Variants in ABCC9 observed in about 807,000 individuals in gnomAD.
ABCC9 encodes ATP binding cassette subfamily C member 9, also known as ATP-binding cassette sub-family C member 9.
In ABCC9, 95 loss-of-function variants were observed where a neutral mutation model predicts 188.3. That is an observed-to-expected ratio of 0.50 (90% confidence interval 0.43 to 0.60). ABCC9 has a LOEUF of 0.60. ABCC9 is among the 20% of genes least tolerant of loss of function. The probability of loss-of-function intolerance (pLI) is 0.00; values close to 1 mark genes in which losing one functional copy is unlikely to be tolerated. For synonymous variants in ABCC9, 659 were observed against 652.7 expected, an observed-to-expected ratio of 1.01 and a Z score of -0.15; for missense variants, 1,102 against 1,876.3, an observed-to-expected ratio of 0.59 and a Z score of 7.62.
At chr12:21,912,823 A>G (rs767444463) in intron 8 of ABCC9, 49 bp downstream of exon 8, 17 of 1,585,602 alleles carry the variant, frequency 1.1e-5, no homozygotes, top group Admixed American at 3.3e-5. Flanking sequence ...GACAATTACA[A>G]TGAAATCCAT....
intron 30 of ABCC9, among the ~76,000 whole-genome samples, chr12:21,829,436 T>C (rs185604098): frequency 0.013 from 2,022 of 152,130 alleles, 31 homozygotes; most frequent in South Asian, 0.087. Context: ...CTCCTGACCT[T>C]GTGATCCGCC....
chr12:21,868,500 A>G (rs896391724), intron 18 of ABCC9, among the ~76,000 whole-genome samples: 1 of 152,152 alleles, frequency 6.6e-6, no homozygotes. Context: ...TTAGCCAGGC[A>G]TGGTGGCAGG....
chr12:21,808,796 A>AG (rs1279565501), intron 37 of ABCC9, among the ~76,000 whole-genome samples: 4 of 151,516 alleles, frequency 2.6e-5, no homozygotes, highest in South Asian at 2.1e-4. Context: ...AAAAAAAAAA[A>AG]AAAGAAAAAA....
At chr12:21,815,510 AAT>A (rs1942549215) in intron 34 of ABCC9, among the ~76,000 whole-genome samples, 1 of 152,136 alleles carries the variant, frequency 6.6e-6, no homozygotes, top group South Asian at 2.1e-4. Flanking sequence ...AGAAGACAGA[AAT>A]TTTTAAAAAC....
intron 35 of ABCC9, among the ~76,000 whole-genome samples, chr12:21,813,618 G>A (rs1414035321): frequency 6.6e-6 from 1 of 152,100 alleles, no homozygotes; most frequent in Non-Finnish European, 1.5e-5. Context: ...AATGTCAGTT[G>A]ATTTTTGATC....
At chr12:21,939,712 G>A (rs991471594) in intron 2 of ABCC9, among the ~76,000 whole-genome samples, 4 of 152,298 alleles carry the variant, frequency 2.6e-5, no homozygotes, top group African/African-American at 7.2e-5. Context: ...ATAAGCCATC[G>A]AAATATGCTC....
At chr12:21,888,906 G>A (rs1431335341) in intron 14 of ABCC9, among the ~76,000 whole-genome samples, 1 of 22,128 alleles carries the variant, frequency 4.5e-5, no homozygotes, top group Non-Finnish European at 8.7e-5. Context: ...CTAGGATGCA[G>A]CAAGTGGGAA....
chr12:21,893,104 G>A (rs183883456), intron 14 of ABCC9, among the ~76,000 whole-genome samples: 480 of 152,188 alleles, frequency 3.2e-3, no homozygotes, highest in African/African-American at 0.011. Flanking sequence ...TTATTTATGG[G>A]AGCATAAGAC....
At chr12:21,924,536 A>G (rs1336518028) in intron 5 of ABCC9, 1 of 152,078 alleles carries the variant, frequency 6.6e-6, no homozygotes, top group Non-Finnish European at 1.5e-5. Flanking sequence ...AATAACAAGA[A>G]ATATTATATT....
chr12:21,940,108 T>C (rs1949634837), intron 2 of ABCC9, among the ~76,000 whole-genome samples: 1 of 152,196 alleles, frequency 6.6e-6, no homozygotes, highest in Non-Finnish European at 1.5e-5. Context: ...CCTTTGGAAA[T>C]AGACTACAAG....
Position 21,797,395 on chromosome 12 carries a change from C to T in ABCC9, c.*3649G>A, listed in dbSNP as rs1030696155. 1 of 152,028 alleles carries T rather than the reference C, an allele frequency of 6.6e-6. No homozygotes were observed. Among genetic ancestry groups the T allele is most frequent in the Non-Finnish European group, 1.5e-5 (1 of 67,996 alleles). 9.4% of individuals were successfully genotyped at this position (152,028 alleles called of 1,614,324 possible). On this transcript the variant is annotated 3_prime_UTR_variant, in exon 40 of 40. Transcript: ENST00000261200. ...TGAAAAAATAATCACCCTCTTTAAG[C>T]AAATAAAAGAGTAATTTAATTATGT...
chr12:21,874,515 T>G (rs141706012), intron 17 of ABCC9, among the ~76,000 whole-genome samples: 2 of 152,188 alleles, frequency 1.3e-5, no homozygotes, highest in Admixed American at 1.3e-4. Context: ...TGGGTATTTA[T>G]GCAAGCGAAT....
At chr12:21,937,313 C>T (rs1949526432) in intron 2 of ABCC9, among the ~76,000 whole-genome samples, 1 of 152,132 alleles carries the variant, frequency 6.6e-6, no homozygotes, top group Non-Finnish European at 1.5e-5. Context: ...TACTCAGATT[C>T]CATAGTTAGA....
intron 15 of ABCC9, 35 bp from the exon 16 acceptor site, chr12:21,882,908 C>G: frequency 1.9e-6 from 3 of 1,544,954 alleles, no homozygotes; most frequent in Non-Finnish European, 2.7e-6. Flanking sequence ...CAAGTTGAGG[C>G]TTTATTAAAA....
chr12:21,809,847 T>C lies in ABCC9; in HGVS notation c.4315+5A>G. ...AAAAATAAATATGCTATTTAGGAAA[T>C]ATACCTAGACCTCCAGGTAGAGATT... On this transcript the variant is annotated splice_donor_5th_base_variant and intron_variant, in intron 37 of 39. Transcript: ENST00000261200. The C allele has an allele frequency of 6.4e-7, 1 of 1,559,572 alleles. No homozygotes were observed. The highest frequency in any genetic ancestry group is 1.1e-5 in the South Asian group (1 of 89,892).
At chr12:21,819,221 A>G (rs80074231) in intron 31 of ABCC9, among the ~76,000 whole-genome samples, 5 of 152,124 alleles carry the variant, frequency 3.3e-5, no homozygotes, top group Non-Finnish European at 7.4e-5. Context: ...CACATCCCCA[A>G]AGCAGGTAGA....
rs376147813 is a variant in ABCC9 at position 21,805,982 on chromosome 12, G to A, written c.4512+16C>T. The stretch of plus-strand genomic sequence containing the variant: ...AAAACCAAAGAGGTATACCAACTCC[G>A]TCTTCTCATACTTACAGCTATTGTC... On this transcript the variant is annotated intron_variant, in intron 39 of 39. Coordinates refer to ENST00000261200, the MANE Select transcript of ABCC9 (RefSeq NM_020297.4). 184 of 1,612,780 alleles carry A rather than the reference G, an allele frequency of 1.1e-4. No individual in the cohort carries two copies. The African/African-American group carries it at 1.7e-3, about 15-fold the overall frequency.
intron 22 of ABCC9, among the ~76,000 whole-genome samples, chr12:21,858,153 G>C (rs1945324319): frequency 6.6e-6 from 1 of 152,160 alleles, no homozygotes; most frequent in Non-Finnish European, 1.5e-5. Context: ...AATGAACTGA[G>C]GAAGAAAGCC....
At chr12:21,871,379 G>C (rs939645263) in intron 18 of ABCC9, among the ~76,000 whole-genome samples, 1 of 152,198 alleles carries the variant, frequency 6.6e-6, no homozygotes. Context: ...CTATCTGCTA[G>C]ATTTGCTCGA....
Sources: allele counts gnomAD v4.1 joint callset (sites outside exome capture counted in the v4.1 genomes callset), GRCh38; gene constraint gnomAD v4.1.1; transcripts MANE v1.5; gene names NCBI Gene and HGNC (gene_info 2026-07-23, HGNC 2026-07-21).